The following CNBD1 variants were observed in gnomAD, a reference collection of about 807,000 sequenced individuals.
CNBD1 encodes cyclic nucleotide-binding domain-containing protein 1.
In CNBD1, 71 loss-of-function variants were observed where a neutral mutation model predicts 54.4. The ratio of observed to expected loss-of-function variants is 1.30; its 90% CI spans 1.08 to 1.59. The LOEUF is 1.59. Ranked by LOEUF, CNBD1 falls within the 40% of genes most tolerant of loss-of-function variation. The pLI is 0.00. For synonymous variants in CNBD1, 182 were observed against 170.7 expected (o/e 1.07, Z -0.51); for missense variants, 659 against 518.0 (o/e 1.27, Z -2.64).
intron 3 of CNBD1, among the ~76,000 whole-genome samples, chr8:86,938,532 T>G (rs1809591764): frequency 1.3e-5 from 2 of 152,182 alleles, no homozygotes; most frequent in South Asian, 4.1e-4. Context: ...CAAAGGCAAA[T>G]GAGCAAAGTC....
chr8:87,128,630 C>T (rs1253761254), intron 4 of CNBD1, among the ~76,000 whole-genome samples: 3 of 152,044 alleles, frequency 2.0e-5, no homozygotes, highest in African/African-American at 7.2e-5. Flanking sequence ...TGAAGATAAT[C>T]GTATAGTCTC....
chr8:87,388,900 A>T (rs574673632), intron 2 of CNBD1, among the ~76,000 whole-genome samples: 1 of 152,124 alleles, frequency 6.6e-6, no homozygotes, highest in African/African-American at 2.4e-5. Flanking sequence ...AGCTTATCCA[A>T]CATGATCAAG....
intron 4 of CNBD1, among the ~76,000 whole-genome samples, chr8:86,941,125 G>A (rs1377716640): frequency 6.6e-6 from 1 of 152,072 alleles, no homozygotes; most frequent in African/African-American, 2.4e-5. Flanking sequence ...ATTTGAGAAT[G>A]GTCAGATTTT....
chr8:86,941,489 G>C (rs1333452955), intron 4 of CNBD1, among the ~76,000 whole-genome samples: 1 of 152,158 alleles, frequency 6.6e-6, no homozygotes, highest in African/African-American at 2.4e-5. Context: ...GTTGTGCTGG[G>C]CTGTAAGAGT....
intron 4 of CNBD1, among the ~76,000 whole-genome samples, chr8:87,161,333 G>A (rs967191887): frequency 7.2e-5 from 11 of 152,116 alleles, no homozygotes; most frequent in African/African-American, 2.4e-4. Flanking sequence ...ACTTACAATC[G>A]TAGATGCAAC....
chr8:87,406,385 CAT>C (rs892351923), intron 2 of CNBD1, among the ~76,000 whole-genome samples: 5 of 148,990 alleles, frequency 3.4e-5, no homozygotes, highest in African/African-American at 7.4e-5. Flanking sequence ...TAAAAAGTAA[CAT>C]GTAAATTAAA....
intron 4 of CNBD1, among the ~76,000 whole-genome samples, chr8:87,121,492 T>C (rs1368548595): frequency 6.6e-6 from 1 of 151,870 alleles, no homozygotes; most frequent in African/African-American, 2.4e-5. Flanking sequence ...GACATATTAG[T>C]CAACTTGCAA....
chr8:87,301,640 A>G (rs1183687536), intron 8 of CNBD1, among the ~76,000 whole-genome samples: 1 of 151,732 alleles, frequency 6.6e-6, no homozygotes, highest in African/African-American at 2.4e-5. Flanking sequence ...AATCACAACT[A>G]AGAGCAGAAC....
intron 4 of CNBD1, among the ~76,000 whole-genome samples, chr8:87,127,161 A>G (rs1334709553): frequency 1.3e-5 from 2 of 152,048 alleles, no homozygotes; most frequent in African/African-American, 4.8e-5. Flanking sequence ...GAATTTCCAT[A>G]TGTATGTTAG....
intron 4 of CNBD1, among the ~76,000 whole-genome samples, chr8:87,001,476 G>A (rs1808991382): frequency 6.6e-6 from 1 of 152,116 alleles, no homozygotes; most frequent in African/African-American, 2.4e-5. Flanking sequence ...ATCAGATAAA[G>A]TAGTGTATTT....
chr8:87,001,366 T>C (rs535700031), intron 4 of CNBD1, among the ~76,000 whole-genome samples: 1 of 152,248 alleles, frequency 6.6e-6, no homozygotes, highest in Admixed American at 6.5e-5. Flanking sequence ...GAATTATTCA[T>C]ATTTATTTAA....
chr8:86,905,308 G>A, intron 3 of CNBD1, 114 bp downstream of exon 3: 1 of 624,756 alleles, frequency 1.6e-6, no homozygotes, highest in Non-Finnish European at 2.8e-6. Flanking sequence ...CAAATATTTA[G>A]TGTGGAGGGC....
At chr8:87,224,715 T>G (rs1427315510) in intron 5 of CNBD1, among the ~76,000 whole-genome samples, 1 of 151,688 alleles carries the variant, frequency 6.6e-6, no homozygotes, top group African/African-American at 2.4e-5. Context: ...AGGATTGACT[T>G]GGCGATGCGG....
intron 4 of CNBD1, among the ~76,000 whole-genome samples, chr8:86,987,083 T>C (rs538336979): frequency 1.3e-5 from 2 of 152,310 alleles, no homozygotes; most frequent in Admixed American, 1.3e-4. Flanking sequence ...TAGCATTGAA[T>C]CTGTAAATTA....
At chr8:87,358,764 C>T (rs1232251071) in intron 10 of CNBD1, among the ~76,000 whole-genome samples, 2 of 152,038 alleles carry the variant, frequency 1.3e-5, no homozygotes, top group Non-Finnish European at 1.5e-5. Flanking sequence ...CAGTGTGAGG[C>T]CAAAGCCTTG....
chr8:87,079,905 A>G (rs575449719), intron 4 of CNBD1, among the ~76,000 whole-genome samples: 64 of 152,300 alleles, frequency 4.2e-4, no homozygotes, highest in African/African-American at 1.5e-3. Context: ...CTAACAATAG[A>G]TGCAAAGATT....
intron 10 of CNBD1, among the ~76,000 whole-genome samples, chr8:87,376,311 T>A (rs564309581): frequency 2.0e-5 from 3 of 151,824 alleles, no homozygotes; most frequent in Non-Finnish European, 4.4e-5. Context: ...TGTCTTCTCC[T>A]TGTATTCTCA....
At chr8:87,374,427 A>G (rs1810882584) in intron 10 of CNBD1, among the ~76,000 whole-genome samples, 1 of 151,894 alleles carries the variant, frequency 6.6e-6, no homozygotes, top group East Asian at 1.9e-4. Flanking sequence ...AGTTCCTTAA[A>G]TCAAGATCCT....
chr8:86,868,579 C>CG (rs397783406), intron 1 of CNBD1, among the ~76,000 whole-genome samples: 5 of 151,926 alleles, frequency 3.3e-5, no homozygotes, highest in Admixed American at 6.6e-5. Flanking sequence ...GATCTGCCCC[C>CG]CTCAGCCTCC....
Sources: allele counts gnomAD v4.1 joint callset (sites outside exome capture counted in the v4.1 genomes callset), GRCh38; gene constraint gnomAD v4.1.1; transcripts MANE v1.5; gene names NCBI Gene and HGNC (gene_info 2026-07-23, HGNC 2026-07-21).